The following IFT25 variants were observed in gnomAD, a reference collection of about 807,000 sequenced individuals.
The protein encoded by IFT25 is intraflagellar transport 25, also known as intraflagellar transport protein 25 homolog.
chr1:53,921,551 C>A, the IFT25 span: 1 of 762,682 alleles, frequency 1.3e-6, no homozygotes, highest in Non-Finnish European at 2.3e-6. Flanking sequence ...TAAATAAAAA[C>A]TGAAACAAAT....
chr1:53,921,256 C>T, the IFT25 span, among the ~76,000 whole-genome samples: 6 of 152,296 alleles, frequency 3.9e-5, no homozygotes, highest in South Asian at 1.2e-3. Context: ...GAAACCCTTC[C>T]ATAAGTACTT....
At chr1:53,932,069 A>T in the IFT25 span, among the ~76,000 whole-genome samples, 2 of 152,288 alleles carry the variant, frequency 1.3e-5, no homozygotes, top group East Asian at 3.9e-4. Flanking sequence ...ATACTTTCTA[A>T]GGCCAGGCAT....
the IFT25 span, among the ~76,000 whole-genome samples, chr1:53,920,395 T>C: frequency 9.5e-4 from 132 of 139,080 alleles, 1 homozygote; most frequent in Non-Finnish European, 1.5e-3. Flanking sequence ...AAATTGCCCT[T>C]TTTTTTTTTT....
At chr1:53,912,965 G>GT in the IFT25 span, among the ~76,000 whole-genome samples, 1 of 152,206 alleles carries the variant, frequency 6.6e-6, no homozygotes, top group Non-Finnish European at 1.5e-5. Context: ...CGCTGCTATA[G>GT]TAGGTGTTGT....
chr1:53,928,061 A>G, the IFT25 span, among the ~76,000 whole-genome samples: 1 of 152,254 alleles, frequency 6.6e-6, no homozygotes, highest in Admixed American at 6.5e-5. Flanking sequence ...AAAGAAGATG[A>G]GAAACTAATA....
the IFT25 span, chr1:53,939,785 C>T: frequency 2.0e-6 from 1 of 506,672 alleles, no homozygotes; most frequent in Non-Finnish European, 3.4e-6. Flanking sequence ...TCAGTTTAGG[C>T]ATTATAAAGA....
the IFT25 span, chr1:53,930,251 C>T: frequency 9.5e-7 from 1 of 1,055,978 alleles, no homozygotes; most frequent in Non-Finnish European, 1.3e-6. Flanking sequence ...ACTGGATTCT[C>T]ACATCTCCTT....
chr1:53,941,776 T>C, the IFT25 span, among the ~76,000 whole-genome samples: 9 of 152,250 alleles, frequency 5.9e-5, no homozygotes, highest in Non-Finnish European at 1.3e-4. Context: ...AAATTGGAAG[T>C]AGCAGTAACA....
At chr1:53,938,418 A>G in the IFT25 span, among the ~76,000 whole-genome samples, 1 of 152,214 alleles carries the variant, frequency 6.6e-6, no homozygotes, top group African/African-American at 2.4e-5. Flanking sequence ...GGTATATACC[A>G]AATGTTATTG....
chr1:53,945,783 C>G, the IFT25 span: 1 of 144,146 alleles, frequency 6.9e-6, no homozygotes, highest in Non-Finnish European at 1.5e-5. Context: ...AGTTTCCGGG[C>G]GCGCGCTCCT....
the IFT25 span, among the ~76,000 whole-genome samples, chr1:53,943,726 C>T: frequency 6.6e-6 from 1 of 151,954 alleles, no homozygotes; most frequent in Non-Finnish European, 1.5e-5. Flanking sequence ...CGGGCTCAAG[C>T]GATCCTCCCA....
chr1:53,934,389 T>C, the IFT25 span, among the ~76,000 whole-genome samples: 2 of 152,248 alleles, frequency 1.3e-5, no homozygotes, highest in Admixed American at 6.5e-5. Context: ...ATTAGCACTA[T>C]TGTTCCTCTG....
At chr1:53,921,458 A>G in the IFT25 span, 1 of 531,550 alleles carries the variant, frequency 1.9e-6, no homozygotes, top group South Asian at 2.4e-5. Flanking sequence ...ACTGAAGCCA[A>G]ACCTTTCTAA....
At chr1:53,921,401 T>C in the IFT25 span, among the ~76,000 whole-genome samples, 3 of 152,354 alleles carry the variant, frequency 2.0e-5, no homozygotes, top group South Asian at 6.2e-4. Context: ...TGCAATGTAT[T>C]ACCCATTAAA....
chr1:53,916,666 T>C, the IFT25 span: 2 of 309,830 alleles, frequency 6.5e-6, no homozygotes, highest in African/African-American at 4.4e-5. Flanking sequence ...TACAAGAAAA[T>C]ACCTGAAAGC....
the IFT25 span, among the ~76,000 whole-genome samples, chr1:53,932,151 G>A: frequency 6.6e-6 from 1 of 152,150 alleles, no homozygotes; most frequent in African/African-American, 2.4e-5. Flanking sequence ...AGCAGTTCAA[G>A]ACCAGCCCGA....
the IFT25 span, among the ~76,000 whole-genome samples, chr1:53,931,208 TG>T: frequency 6.6e-6 from 1 of 152,192 alleles, no homozygotes; most frequent in Non-Finnish European, 1.5e-5. Flanking sequence ...GTATTTTAAT[TG>T]CTTGCAGCTT....
chr1:53,933,096 G>T, the IFT25 span, among the ~76,000 whole-genome samples: 5 of 150,224 alleles, frequency 3.3e-5, no homozygotes, highest in African/African-American at 1.2e-4. Context: ...CTATTATTAG[G>T]TCCATATACA....
At chr1:53,945,218 T>C in the IFT25 span, among the ~76,000 whole-genome samples, 2 of 152,222 alleles carry the variant, frequency 1.3e-5, no homozygotes, top group Admixed American at 1.3e-4. Flanking sequence ...AGGTACAATT[T>C]ATAGCTAGAT....
Sources: gnomAD v4.1 joint callset for allele counts (sites outside exome capture counted in the v4.1 genomes callset) on GRCh38, gnomAD v4.1.1 for gene constraint, MANE v1.5 for transcripts, NCBI Gene and HGNC (gene_info 2026-07-23, HGNC 2026-07-21) for gene names.